The following SUMF1 variants were observed in gnomAD, a reference collection of about 807,000 sequenced individuals.
The protein encoded by SUMF1 is formylglycine-generating enzyme.
In SUMF1, 48 loss-of-function variants were observed where a neutral mutation model predicts 47.6. The observed-to-expected ratio is 1.01, with a 90% CI of 0.80 to 1.28. SUMF1 has a LOEUF of 1.28. Ranked by LOEUF, SUMF1 falls within the 50% of genes most tolerant of loss-of-function variation. SUMF1 has a pLI of 0.00. For missense variants in SUMF1, 571 were observed against 485.4 expected, an observed-to-expected ratio of 1.18 and a Z score of -1.66; for synonymous variants, 230 against 192.1, an observed-to-expected ratio of 1.20 and a Z score of -1.63.
chr3:4,372,366 C>T (rs1232116900), intron 8 of SUMF1, among the ~76,000 whole-genome samples: 1 of 152,232 alleles, frequency 6.6e-6, no homozygotes, highest in South Asian at 2.1e-4. Context: ...AAGTCATCAT[C>T]TAAAAAAGAA....
chr3:4,186,862 T>G (rs937463274), intron 8 of SUMF1, among the ~76,000 whole-genome samples: 2 of 152,208 alleles, frequency 1.3e-5, no homozygotes, highest in Admixed American at 1.3e-4. Flanking sequence ...CTCTTTCTTC[T>G]CTGTGTTCCT....
At chr3:4,419,657 G>A (rs1277380707) in intron 4 of SUMF1, among the ~76,000 whole-genome samples, 1 of 152,176 alleles carries the variant, frequency 6.6e-6, no homozygotes, top group East Asian at 1.9e-4. Flanking sequence ...CAAGGCCTGG[G>A]CTTCCACAGT....
intron 8 of SUMF1, among the ~76,000 whole-genome samples, chr3:4,367,505 T>C (rs34376028): frequency 0.045 from 6,851 of 150,956 alleles, 311 homozygotes; most frequent in East Asian, 0.26. Context: ...CATATGGAAC[T>C]AAAAAAGAGC....
intron 8 of SUMF1, among the ~76,000 whole-genome samples, chr3:4,321,592 T>C (rs1698835759): frequency 6.6e-6 from 1 of 151,198 alleles, no homozygotes; most frequent in Admixed American, 6.6e-5. Context: ...TTGAGCAAGA[T>C]AATAAATAAA....
chr3:4,313,108 C>A, intron 8 of SUMF1: 1 of 1,613,886 alleles, frequency 6.2e-7, no homozygotes, highest in Non-Finnish European at 8.5e-7. Context: ...TGTCCTGTGC[C>A]GATGCAGTGA....
intron 8 of SUMF1, among the ~76,000 whole-genome samples, chr3:4,101,504 C>A (rs1693032006): frequency 6.6e-6 from 1 of 151,900 alleles, no homozygotes; most frequent in Non-Finnish European, 1.5e-5. Context: ...AGAAGATGGG[C>A]AGGGAAAGGT....
At chr3:4,130,795 C>G (rs371323434) in intron 8 of SUMF1, among the ~76,000 whole-genome samples, 2 of 152,058 alleles carry the variant, frequency 1.3e-5, no homozygotes, top group Non-Finnish European at 2.9e-5. Context: ...TCACTCTGGC[C>G]CATTTATCGA....
At chr3:4,075,785 T>A (rs1055644328) in intron 8 of SUMF1, among the ~76,000 whole-genome samples, 4 of 152,068 alleles carry the variant, frequency 2.6e-5, no homozygotes, top group Non-Finnish European at 5.9e-5. Flanking sequence ...TTACAAGGAA[T>A]GTGAAGGACC....
chr3:4,207,672 C>T (rs931093212), intron 8 of SUMF1, among the ~76,000 whole-genome samples: 1 of 152,018 alleles, frequency 6.6e-6, no homozygotes, highest in Non-Finnish European at 1.5e-5. Context: ...CTACTCCATC[C>T]AAACAACAAA....
chr3:4,076,523 A>C lies in SUMF1; in HGVS notation c.1015-7778T>G, dbSNP rs886751890. ...TCTAATTAAGTTAAAGAGCTTCTGC[A>C]CAGCAAATGAAACTACCATCAGAGT... On this transcript the variant is annotated intron_variant and NMD_transcript_variant, in intron 8 of 12. Coordinates refer to the SUMF1 transcript ENST00000448413. Among the ~76,000 whole-genome samples the C allele has an allele frequency of 2.6e-5, 4 of 152,302 alleles. 1 individual carries two copies. In the South Asian group the frequency reaches 8.3e-4, roughly 32 times the overall value.
At chr3:4,202,810 T>A (rs960981951) in intron 8 of SUMF1, among the ~76,000 whole-genome samples, 2 of 152,004 alleles carry the variant, frequency 1.3e-5, no homozygotes, top group Non-Finnish European at 2.9e-5. Context: ...TTTTTCAATA[T>A]CCTTCTTAAT....
At chr3:4,181,978 G>A (rs1439467711) in intron 8 of SUMF1, among the ~76,000 whole-genome samples, 2 of 152,116 alleles carry the variant, frequency 1.3e-5, no homozygotes, top group African/African-American at 2.4e-5. Context: ...GTTAATGTAA[G>A]AGACTAAAAT....
At chr3:4,252,325 T>G (rs1030442580) in intron 8 of SUMF1, among the ~76,000 whole-genome samples, 5 of 150,610 alleles carry the variant, frequency 3.3e-5, no homozygotes, top group Non-Finnish European at 7.4e-5. Flanking sequence ...GAGGGACATT[T>G]TGGATTCGCT....
intron 8 of SUMF1, among the ~76,000 whole-genome samples, chr3:4,070,105 A>C (rs1020633772): frequency 6.6e-6 from 1 of 152,154 alleles, no homozygotes; most frequent in Non-Finnish European, 1.5e-5. Flanking sequence ...AGATAAACTC[A>C]ACGAATTATG....
chr3:4,232,525 A>C (rs1387791587), intron 8 of SUMF1, among the ~76,000 whole-genome samples: 1 of 152,062 alleles, frequency 6.6e-6, no homozygotes, highest in Non-Finnish European at 1.5e-5. Context: ...ATACTACATG[A>C]AACAGTGGAG....
intron 9 of SUMF1, among the ~76,000 whole-genome samples, chr3:4,052,458 A>G (rs1695128577): frequency 6.6e-6 from 1 of 152,200 alleles, no homozygotes; most frequent in African/African-American, 2.4e-5. Flanking sequence ...TGCTCTGGAC[A>G]TACATGCTTT....
At chr3:4,192,237 AGAT>A (rs1184698068) in intron 8 of SUMF1, among the ~76,000 whole-genome samples, 8 of 152,100 alleles carry the variant, frequency 5.3e-5, no homozygotes, top group Non-Finnish European at 8.8e-5. Context: ...GAGGCTATGA[AGAT>A]GATAAGAGCA....
intron 8 of SUMF1, among the ~76,000 whole-genome samples, chr3:4,167,597 T>G (rs1461646145): frequency 6.6e-6 from 1 of 152,120 alleles, no homozygotes; most frequent in African/African-American, 2.4e-5. Flanking sequence ...TACAGAGCGC[T>G]GATTGGTGCA....
At chr3:4,403,628 T>C (rs538402506) in intron 7 of SUMF1, among the ~76,000 whole-genome samples, 1 of 152,178 alleles carries the variant, frequency 6.6e-6, no homozygotes, top group Admixed American at 6.5e-5. Context: ...TACATTCTTA[T>C]TCTCAGCAAC....
Sources: gnomAD v4.1 joint callset for allele counts (sites outside exome capture counted in the v4.1 genomes callset) on GRCh38, gnomAD v4.1.1 for gene constraint, MANE v1.5 for transcripts, NCBI Gene and HGNC (gene_info 2026-07-23, HGNC 2026-07-21) for gene names.